The following AKAP19 variants were observed in gnomAD, a reference collection of about 807,000 sequenced individuals.
AKAP19 encodes A-kinase anchoring protein 19.
chr2:189,934,528 A>G, the AKAP19 span, among the ~76,000 whole-genome samples: 1 of 151,952 alleles, frequency 6.6e-6, no homozygotes, highest in African/African-American at 2.4e-5. Flanking sequence ...GACTTACTAC[A>G]TTATGACCTG....
chr2:190,077,196 G>T, the AKAP19 span, among the ~76,000 whole-genome samples: 1 of 149,516 alleles, frequency 6.7e-6, no homozygotes, highest in Admixed American at 6.6e-5. Context: ...CTGTTTTAAA[G>T]TTCTTTGCAA....
At chr2:189,921,803 C>T in the AKAP19 span, among the ~76,000 whole-genome samples, 3 of 152,126 alleles carry the variant, frequency 2.0e-5, no homozygotes, top group Non-Finnish European at 4.4e-5. Flanking sequence ...AGACATATCA[C>T]CTTCTCACAC....
the AKAP19 span, among the ~76,000 whole-genome samples, chr2:189,925,838 T>C: frequency 1.3e-5 from 2 of 152,128 alleles, no homozygotes; most frequent in African/African-American, 4.8e-5. Flanking sequence ...CAAGAAAATA[T>C]ACATTATCAA....
chr2:190,128,380 T>A, the AKAP19 span, among the ~76,000 whole-genome samples: 2,155 of 152,284 alleles, frequency 0.014, 59 homozygotes, highest in African/African-American at 0.048. Flanking sequence ...GAGCTAAAGA[T>A]GGATTAATCA....
chr2:190,083,812 G>A, the AKAP19 span, among the ~76,000 whole-genome samples: 1 of 152,068 alleles, frequency 6.6e-6, no homozygotes, highest in African/African-American at 2.4e-5. Context: ...ATGCCTCTTT[G>A]GGCCTGATAA....
At chr2:190,124,555 A>T in the AKAP19 span, among the ~76,000 whole-genome samples, 12 of 151,864 alleles carry the variant, frequency 7.9e-5, no homozygotes, top group Non-Finnish European at 1.6e-4. Flanking sequence ...ACAAAAAATA[A>T]GGAAATTAGC....
chr2:190,115,464 C>A, the AKAP19 span, among the ~76,000 whole-genome samples: 1 of 138,392 alleles, frequency 7.2e-6, no homozygotes. Flanking sequence ...GGACTACAGG[C>A]GCCCGCCACT....
the AKAP19 span, among the ~76,000 whole-genome samples, chr2:190,008,734 A>G: frequency 1.1e-4 from 3 of 27,984 alleles, no homozygotes; most frequent in African/African-American, 6.4e-4. Context: ...GCACGTGCAC[A>G]CACACACACA....
the AKAP19 span, among the ~76,000 whole-genome samples, chr2:189,963,849 G>A: frequency 6.6e-6 from 1 of 150,532 alleles, no homozygotes; most frequent in South Asian, 2.1e-4. Context: ...CTGCAGCCTC[G>A]ACCTCCCAGG....
chr2:190,113,063 A>AT, the AKAP19 span, among the ~76,000 whole-genome samples: 97 of 151,450 alleles, frequency 6.4e-4, no homozygotes, highest in Non-Finnish European at 1.1e-3. Flanking sequence ...TGTTTCATCA[A>AT]TTTTTTTTTC....
the AKAP19 span, among the ~76,000 whole-genome samples, chr2:190,144,244 A>C: frequency 8.8e-6 from 1 of 114,124 alleles, no homozygotes; most frequent in Non-Finnish European, 2.0e-5. Context: ...AAAAGGCTCT[A>C]ACAGAAAAAA....
chr2:189,956,177 C>CTTTTTTTTTTTTTTTTTT, the AKAP19 span, among the ~76,000 whole-genome samples: 8 of 122,950 alleles, frequency 6.5e-5, no homozygotes, highest in African/African-American at 1.3e-4. Context: ...TCTTTTTTTT[C>CTTTTTTTTTTTTTTTTTT]TTTTTTTTTT....
At chr2:190,062,699 CTG>C in the AKAP19 span, 1 of 1,113,348 alleles carries the variant, frequency 9.0e-7, no homozygotes, top group East Asian at 2.6e-5. Context: ...CATGTACAGT[CTG>C]AGAGACAACT....
the AKAP19 span, among the ~76,000 whole-genome samples, chr2:189,932,977 C>T: frequency 1.6e-3 from 242 of 152,132 alleles, 1 homozygote; most frequent in African/African-American, 3.1e-3. Context: ...CATATATTGC[C>T]GGTAGCTCAT....
the AKAP19 span, among the ~76,000 whole-genome samples, chr2:190,184,857 T>TAA: frequency 3.9e-5 from 6 of 152,134 alleles, no homozygotes; most frequent in Admixed American, 3.9e-4. Context: ...GTCCATTGGG[T>TAA]AAAAACAGGG....
the AKAP19 span, among the ~76,000 whole-genome samples, chr2:189,890,892 A>C: frequency 3.3e-5 from 5 of 152,132 alleles, no homozygotes; most frequent in African/African-American, 1.2e-4. Context: ...TGTGTCTTTT[A>C]ATTGGGGCAT....
the AKAP19 span, chr2:190,060,298 C>A: frequency 3.7e-6 from 6 of 1,613,074 alleles, no homozygotes; most frequent in Admixed American, 1.7e-5. Flanking sequence ...AGGATTTGCA[C>A]AAACACTGTT....
the AKAP19 span, among the ~76,000 whole-genome samples, chr2:190,105,924 C>G: frequency 2.0e-5 from 3 of 152,124 alleles, no homozygotes; most frequent in Non-Finnish European, 2.9e-5. Context: ...TAGCACATTT[C>G]CTAGCACATT....
At chr2:190,094,746 A>G in the AKAP19 span, among the ~76,000 whole-genome samples, 199 of 152,306 alleles carry the variant, frequency 1.3e-3, 1 homozygote, top group East Asian at 0.019. Context: ...TTAGCATTAT[A>G]TCCAAGTCAT....
Sources: allele counts gnomAD v4.1 joint callset (sites outside exome capture counted in the v4.1 genomes callset), GRCh38; gene constraint gnomAD v4.1.1; transcripts MANE v1.5; gene names NCBI Gene and HGNC (gene_info 2026-07-23, HGNC 2026-07-21).